SYN3: variants seen among roughly 807,000 people sequenced by gnomAD.
SYN3 encodes the protein synapsin III.
SYN3 carries 35 observed loss-of-function variants against 65.8 expected under a neutral mutation model. The ratio of observed to expected loss-of-function variants is 0.53; its 90% CI spans 0.41 to 0.70. SYN3 has a LOEUF of 0.70. Among genes scored for constraint, SYN3 ranks in the 30% least tolerant of loss-of-function variants. The pLI, the probability that SYN3 is intolerant of heterozygous loss-of-function variation, is 0.00. For missense variants in SYN3, 680 were observed against 749.0 expected, an observed-to-expected ratio of 0.91 and a Z score of 1.08; for synonymous variants, 270 against 292.9, an observed-to-expected ratio of 0.92 and a Z score of 0.80.
rs932195282 is a variant in SYN3 at position 32,529,122 on chromosome 22, C to T, written c.1096-114G>A. 8 of 1,319,358 alleles carry T rather than the reference C, an allele frequency of 6.1e-6. No homozygotes were observed. The East Asian group carries it at 1.4e-4, about 23-fold the overall frequency. The allele number at this position is 1,319,358 out of a possible 1,614,324, so 81.7% of individuals were successfully genotyped here. ...CAGGACAGAAGTGACCACCAGATGGCGATGTCCTCCATGCAAATCACCTCC... is the reference window on the plus strand; with the variant it reads ...CAGGACAGAAGTGACCACCAGATGGTGATGTCCTCCATGCAAATCACCTCC... On this transcript the variant is annotated intron_variant, in intron 10 of 13. Transcript: ENST00000358763.
intron 6 of SYN3, among the ~76,000 whole-genome samples, chr22:32,698,907 T>C (rs2060774166): frequency 6.6e-6 from 1 of 152,154 alleles, no homozygotes; most frequent in South Asian, 2.1e-4. Flanking sequence ...AGATAATGTG[T>C]TCCAGGATGG....
intron 7 of SYN3, among the ~76,000 whole-genome samples, chr22:32,545,108 C>T (rs1486416150): frequency 6.6e-6 from 1 of 152,212 alleles, no homozygotes; most frequent in East Asian, 1.9e-4. Flanking sequence ...GGGCTTTGTA[C>T]TCCTCGCTTC....
intron 3 of SYN3, among the ~76,000 whole-genome samples, chr22:32,972,001 C>T (rs75133847): frequency 0.021 from 3,216 of 152,176 alleles, 114 homozygotes; most frequent in African/African-American, 0.073. Context: ...TAGCCTCTGA[C>T]GGCCAGTCAT....
intron 3 of SYN3, among the ~76,000 whole-genome samples, chr22:32,964,484 A>G (rs1357907620): frequency 6.6e-6 from 1 of 151,868 alleles, no homozygotes; most frequent in African/African-American, 2.4e-5. Flanking sequence ...CCCTGAGAAC[A>G]TGGATCTGAA....
intron 2 of SYN3, among the ~76,000 whole-genome samples, chr22:32,990,313 C>G (rs62234232): frequency 7.1e-5 from 5 of 70,472 alleles, no homozygotes; most frequent in East Asian, 4.2e-4. Flanking sequence ...TCCATCCATC[C>G]ATCCATCCAT....
At chr22:32,759,026 A>G (rs2045377438) in intron 6 of SYN3, among the ~76,000 whole-genome samples, 1 of 152,076 alleles carries the variant, frequency 6.6e-6, no homozygotes, top group South Asian at 2.1e-4. Flanking sequence ...ACCATTAACC[A>G]CATCATTAAG....
chr22:32,725,600 G>C lies in SYN3; in HGVS notation c.712-128864C>G, dbSNP rs74619850. On this transcript the variant is annotated intron_variant, in intron 6 of 13. Transcript: ENST00000358763. ...GGCAGAAGAGTCAGAGTGAGAGGAG[G>C]AGATGTGATGACTGAGGCGGAGGTC... 1.3e-3 allele frequency among the ~76,000 whole-genome samples: 197 copies of C among 152,272 alleles called. 2 individuals carry two copies. The East Asian group carries it at 0.032, about 25-fold the overall frequency.
intron 4 of SYN3, among the ~76,000 whole-genome samples, chr22:32,877,547 G>A (rs1451572246): frequency 3.3e-5 from 5 of 152,046 alleles, no homozygotes; most frequent in African/African-American, 7.2e-5. Flanking sequence ...CCCACTAGAC[G>A]CAGCAGCACT....
chr22:32,637,630 C>CTTTTTTTTTTTTTTTTTT (rs1185407986), intron 6 of SYN3, among the ~76,000 whole-genome samples: 1 of 93,562 alleles, frequency 1.1e-5, no homozygotes, highest in African/African-American at 4.3e-5. Context: ...TTTTCTTTTT[C>CTTTTTTTTTTTTTTTTTT]TTTTTTTTTT....
At chr22:33,040,538 C>T (rs1312324084) in intron 1 of SYN3, among the ~76,000 whole-genome samples, 1 of 152,192 alleles carries the variant, frequency 6.6e-6, no homozygotes, top group African/African-American at 2.4e-5. Context: ...ACATCATTCC[C>T]TACTGAAACA....
At chr22:32,558,457 A>G (rs2710386) in intron 7 of SYN3, among the ~76,000 whole-genome samples, 47,531 of 152,140 alleles carry the variant, frequency 0.31, 7,503 homozygotes, top group East Asian at 0.53. Context: ...GAATGAGGAT[A>G]TGAATCTGGT....
At chr22:32,700,638 G>A (rs890387462) in intron 6 of SYN3, among the ~76,000 whole-genome samples, 11 of 152,150 alleles carry the variant, frequency 7.2e-5, no homozygotes, top group Admixed American at 6.5e-5. Context: ...GCCAACACAA[G>A]AGGAAAACAC....
chr22:32,671,782 C>T (rs2060373728), intron 6 of SYN3, among the ~76,000 whole-genome samples: 1 of 151,466 alleles, frequency 6.6e-6, no homozygotes, highest in South Asian at 2.1e-4. Context: ...GGTGCACACA[C>T]ACATGCTCTC....
At chr22:32,903,050 C>T (rs1213040002) in intron 4 of SYN3, among the ~76,000 whole-genome samples, 2 of 152,038 alleles carry the variant, frequency 1.3e-5, no homozygotes, top group Non-Finnish European at 2.9e-5. Flanking sequence ...TACTGTTTTT[C>T]GAGTACAGAG....
chr22:32,994,809 C>T (rs2052831808), intron 2 of SYN3, among the ~76,000 whole-genome samples: 1 of 152,172 alleles, frequency 6.6e-6, no homozygotes, highest in African/African-American at 2.4e-5. Flanking sequence ...GCTTCCTTCC[C>T]CCTGGCTTCC....
chr22:33,023,205 C>T (rs979998936), intron 1 of SYN3, among the ~76,000 whole-genome samples: 3 of 152,098 alleles, frequency 2.0e-5, no homozygotes, highest in East Asian at 1.9e-4. Context: ...CTCCGTGTCC[C>T]GACCCAAATC....
At chr22:32,747,004 T>G (rs2044953448) in intron 6 of SYN3, among the ~76,000 whole-genome samples, 1 of 151,846 alleles carries the variant, frequency 6.6e-6, no homozygotes, top group Admixed American at 6.6e-5. Context: ...GGGCGGGAGG[T>G]AGACTCCCTG....
At chr22:32,683,588 C>T (rs2060551832) in intron 6 of SYN3, among the ~76,000 whole-genome samples, 1 of 152,158 alleles carries the variant, frequency 6.6e-6, no homozygotes, top group Non-Finnish European at 1.5e-5. Context: ...CGTTCCTTGG[C>T]TTACAGCTGT....
chr22:32,574,489 A>T (rs1160201683), intron 7 of SYN3, among the ~76,000 whole-genome samples: 1 of 152,156 alleles, frequency 6.6e-6, no homozygotes, highest in African/African-American at 2.4e-5. Flanking sequence ...TTTAAAAAAA[A>T]TCACCATCGT....
Sources: gnomAD v4.1 joint callset for allele counts (sites outside exome capture counted in the v4.1 genomes callset) on GRCh38, gnomAD v4.1.1 for gene constraint, MANE v1.5 for transcripts, NCBI Gene and HGNC (gene_info 2026-07-23, HGNC 2026-07-21) for gene names.